Variants in NTMT1 observed in about 807,000 individuals in gnomAD.
The protein encoded by NTMT1 is N-terminal RCC1 methyltransferase.
Under a neutral mutation model 17.5 loss-of-function variants are expected in NTMT1, and 8 were observed. The ratio of observed to expected loss-of-function variants is 0.46; its 90% CI spans 0.27 to 0.82. NTMT1 has a LOEUF of 0.82. Ranked by LOEUF, NTMT1 falls within the 40% of genes least tolerant of loss-of-function variation. The probability of loss-of-function intolerance (pLI) is 0.15; values close to 1 mark genes in which losing one functional copy is unlikely to be tolerated. For missense variants in NTMT1, 221 were observed against 303.5 expected (o/e 0.73, Z 2.02); for synonymous variants, 128 against 126.8 (o/e 1.01, Z -0.06).
chr9:129,611,516 A>T (rs1830115185), intron 1 of NTMT1, among the ~76,000 whole-genome samples: 1 of 152,178 alleles, frequency 6.6e-6, no homozygotes, highest in Non-Finnish European at 1.5e-5. Context: ...AGAGGGTGCC[A>T]ACCCTTCCGG....
At chr9:129,617,304 T>C (rs1022160917) in intron 1 of NTMT1, among the ~76,000 whole-genome samples, 1 of 152,208 alleles carries the variant, frequency 6.6e-6, no homozygotes, top group Non-Finnish European at 1.5e-5. Flanking sequence ...CCTGGCTACA[T>C]GCCTTGGGAC....
intron 1 of NTMT1, among the ~76,000 whole-genome samples, chr9:129,619,013 C>T (rs530926089): frequency 6.6e-6 from 1 of 151,274 alleles, no homozygotes; most frequent in African/African-American, 2.4e-5. Context: ...CGTGCCCTGC[C>T]GAAGTGTGGG....
At chr9:129,634,870 T>C (rs1831431075) in intron 3 of NTMT1, 2 of 318,958 alleles carry the variant, frequency 6.3e-6, no homozygotes, top group Non-Finnish European at 1.2e-5. Context: ...TGGGAGCTCC[T>C]GCAATGCCAA....
intron 1 of NTMT1, among the ~76,000 whole-genome samples, chr9:129,609,807 G>C (rs1212295852): frequency 6.6e-6 from 1 of 152,064 alleles, no homozygotes; most frequent in Non-Finnish European, 1.5e-5. Context: ...AGGGGGAGGC[G>C]TCTGGGCCTC....
chr9:129,634,357 G>A (rs919400404), intron 3 of NTMT1, 51 bp downstream of exon 3: 29 of 1,546,038 alleles, frequency 1.9e-5, no homozygotes, highest in Admixed American at 5.7e-5. Flanking sequence ...CCTGCCACTC[G>A]CGTTCCCCAT....
intron 1 of NTMT1, among the ~76,000 whole-genome samples, chr9:129,609,769 G>A (rs1410761492): frequency 6.6e-6 from 1 of 152,022 alleles, no homozygotes; most frequent in African/African-American, 2.4e-5. Flanking sequence ...GGACATGCTG[G>A]TGGACAGACA....
Position 129,635,544 on chromosome 9 carries a change from C to A in NTMT1, c.*80C>A. The stretch of plus-strand genomic sequence containing the variant: ...AGCTGGGCAAGATCCAGGCGCCACG[C>A]TGGCGGTTCGTGAGTGTCGAGGCAC... On this transcript the variant is annotated 3_prime_UTR_variant, in exon 4 of 4. Coordinates refer to ENST00000372483, the MANE Select transcript of NTMT1 (RefSeq NM_014064.4). 6.6e-7 allele frequency: 1 copy of A among 1,510,018 alleles called. No homozygotes were observed. Among genetic ancestry groups the A allele is most frequent in the African/African-American group, 1.4e-5 (1 of 72,668 alleles). 93.5% of individuals were successfully genotyped at this position (1,510,018 alleles called of 1,614,324 possible).
At chr9:129,619,359 G>T (rs1178537990) in intron 1 of NTMT1, among the ~76,000 whole-genome samples, 1 of 152,152 alleles carries the variant, frequency 6.6e-6, no homozygotes, top group African/African-American at 2.4e-5. Context: ...AATCTTGAAT[G>T]GGTTGGTAGA....
chr9:129,615,485 T>A (rs551125031), intron 1 of NTMT1: 8 of 1,589,284 alleles, frequency 5.0e-6, no homozygotes, highest in Non-Finnish European at 6.8e-6. Flanking sequence ...TCTGCTTACC[T>A]GAGCGTCTGC....
At chr9:129,627,580 G>A (rs1830960202) in intron 1 of NTMT1, among the ~76,000 whole-genome samples, 1 of 152,250 alleles carries the variant, frequency 6.6e-6, no homozygotes, top group Admixed American at 6.5e-5. Context: ...GAGGAATGGT[G>A]AGGTTTAATG....
chr9:129,612,238 C>A, intron 1 of NTMT1: 2 of 867,072 alleles, frequency 2.3e-6, no homozygotes, highest in Non-Finnish European at 1.8e-6. Context: ...TGGTGTGACA[C>A]CTACTGGCAG....
rs2118890841 is a variant in NTMT1, at chr9:129,620,120, C to T, written c.-55+10942C>T. 1 of 1,453,410 alleles carries T rather than the reference C, an allele frequency of 6.9e-7. No homozygotes were observed. Among genetic ancestry groups the T allele is most frequent in the African/African-American group, 1.4e-5 (1 of 69,778 alleles). The allele number at this position is 1,453,410 out of a possible 1,614,324, so 90.0% of individuals were successfully genotyped here. A position where few individuals can be genotyped will look rare whatever the true frequency, so the allele number is the denominator to read the frequency against. On this transcript the variant is annotated intron_variant, in intron 1 of 3. Transcript: ENST00000372486. The surrounding 1 kb of genome is among the most constrained non-coding windows in gnomAD (Gnocchi z 5.8). ...CTCCTGGAGCTGGTGCAGGAACTCA[C>T]GGAACCTGCTGGGGAGGAGCTCTCC...
intron 1 of NTMT1, among the ~76,000 whole-genome samples, chr9:129,627,979 G>A (rs1830977855): frequency 6.6e-6 from 1 of 152,222 alleles, no homozygotes; most frequent in African/African-American, 2.4e-5. Flanking sequence ...GGAGGAGGAG[G>A]CAGCAGCCAG....
Position 129,613,208 on chromosome 9 carries a change from T to G in NTMT1, c.-55+4030T>G, listed in dbSNP as rs764160153. On this transcript the variant is annotated intron_variant, in intron 1 of 3. Transcript: ENST00000372486. This position sits in a 1 kb window ranked among gnomAD's most constrained non-coding sequence, Gnocchi z 6.2. ...GAACAGAAGGGCAGGCTGCTGTTCA[T>G]GGAGGTGTCCTCAGAAAGGTAGCCC... 100 of 1,613,286 alleles carry G rather than the reference T, an allele frequency of 6.2e-5. No individual in the cohort carries two copies. Among genetic ancestry groups the G allele is most frequent in the Non-Finnish European group, 8.3e-5 (98 of 1,179,902 alleles).
At chr9:129,623,226 G>A (rs1056327040), upstream of NTMT1, among the ~76,000 whole-genome samples, 5 of 151,702 alleles carry the variant, frequency 3.3e-5, no homozygotes, top group Admixed American at 2.0e-4. Flanking sequence ...CCAGCTACGC[G>A]GGAGGCTGAG....
chr9:129,615,736 G>A (rs1276207654), intron 1 of NTMT1: 1 of 1,382,768 alleles, frequency 7.2e-7, no homozygotes, highest in South Asian at 1.5e-5. Context: ...TGAGATCCTG[G>A]ACAAGTGCCC....
At chr9:129,628,293 A>G (rs1830991037) in intron 1 of NTMT1, among the ~76,000 whole-genome samples, 3 of 152,202 alleles carry the variant, frequency 2.0e-5, no homozygotes, top group Non-Finnish European at 4.4e-5. Context: ...CCGTTTATTA[A>G]TGAATCAGCT....
At chr9:129,615,471 C>G (rs756742371) in intron 1 of NTMT1, 2 of 1,570,528 alleles carry the variant, frequency 1.3e-6, no homozygotes, top group Non-Finnish European at 1.7e-6. Flanking sequence ...GGCTCCCCAT[C>G]CTGTCTGCTT....
chr9:129,627,015 G>A (rs1453733350), intron 1 of NTMT1, among the ~76,000 whole-genome samples: 1 of 152,248 alleles, frequency 6.6e-6, no homozygotes, highest in African/African-American at 2.4e-5. Context: ...AGTGAGATGG[G>A]ATGAGCCTCT....
Sources: allele counts gnomAD v4.1 joint callset (sites outside exome capture counted in the v4.1 genomes callset), GRCh38; gene constraint gnomAD v4.1.1; non-coding constraint Gnocchi (gnomAD v3.1); transcripts MANE v1.5; gene names NCBI Gene and HGNC (gene_info 2026-07-23, HGNC 2026-07-21).